Variants in DYSF observed in about 807,000 individuals in gnomAD.
DYSF encodes the protein dystrophy-associated fer-1-like 1.
Under a neutral mutation model 274.9 loss-of-function variants are expected in DYSF, and 212 were observed. That is an observed-to-expected ratio of 0.77 (90% CI 0.69 to 0.86). The LOEUF is 0.86. DYSF is among the 40% of genes least tolerant of loss of function. The pLI, the probability that DYSF is intolerant of heterozygous loss-of-function variation, is 0.00. For missense variants in DYSF, 2,666 were observed against 2,783.2 expected (o/e 0.96, Z 0.95); for synonymous variants, 1,091 against 1,078.7 (o/e 1.01, Z -0.22).
intron 1 of DYSF, among the ~76,000 whole-genome samples, chr2:71,480,073 T>A (rs1262405886): frequency 6.6e-6 from 1 of 152,166 alleles, no homozygotes; most frequent in Non-Finnish European, 1.5e-5. Flanking sequence ...CGTCCCCATT[T>A]CTATTTTCCC....
intron 40 of DYSF, among the ~76,000 whole-genome samples, chr2:71,618,627 G>C (rs1194292330): frequency 9.5e-6 from 1 of 105,370 alleles, no homozygotes. Context: ...GAGGTGGTGT[G>C]TGTGTTACAG....
intron 21 of DYSF, among the ~76,000 whole-genome samples, chr2:71,554,696 A>T (rs944830748): frequency 6.6e-6 from 1 of 152,182 alleles, no homozygotes; most frequent in African/African-American, 2.4e-5. Context: ...GAGGAACTCA[A>T]GTGGCTGGGG....
In DYSF at chr2:71,611,446, C is replaced by A; in HGVS notation, c.4060-19C>A. The A allele has an allele frequency of 6.2e-7, 1 of 1,614,146 alleles. No homozygotes were observed. The highest frequency in any genetic ancestry group is 2.2e-5 in the East Asian group (1 of 44,856). On this transcript the variant is annotated intron_variant, in intron 37 of 55. Transcript: ENST00000410020. ...GGCCCGGGGCCTTCTGAGCCACTCT[C>A]CTCATTCTGTGTGCTTAGATCCTGG...
intron 30 of DYSF, among the ~76,000 whole-genome samples, chr2:71,587,200 A>G (rs747588224): frequency 6.6e-6 from 1 of 152,174 alleles, no homozygotes; most frequent in Non-Finnish European, 1.5e-5. Flanking sequence ...TGCTCCCTCC[A>G]GTGGGTTGCC....
chr2:71,590,235 G>A lies in DYSF; in HGVS notation c.3521G>A (p.Cys1174Tyr). 6.2e-7 allele frequency: 1 copy of A among 1,614,168 alleles called. No individual in the cohort carries two copies. Among genetic ancestry groups the A allele is most frequent in the South Asian group, 1.1e-5 (1 of 91,086 alleles). The change falls in exon 32 of 56, where the codon TGC becomes TAC. Residue 1174 changes from cysteine (C) to tyrosine (Y), a missense_variant. Around this residue, in one of 3 missense-constraint regions of DYSF, gnomAD observed 1,460 missense variants for 1,502.1 expected, o/e 0.97. Coordinates refer to ENST00000410020, the MANE Select transcript of DYSF (RefSeq NM_001130987.2). ...FDYGNRYHLR[C>Y]YMYQARDLAA... ...GATGGGAACCGCTACCATCTACGCT[G>A]CTACATGTACCAGGCCCGGGACCTG...
intron 29 of DYSF, 32 bp from the exon 30 acceptor site, chr2:71,574,166 C>T (rs750332726): frequency 1.8e-5 from 29 of 1,609,652 alleles, no homozygotes; most frequent in Admixed American, 5.0e-5. Context: ...GCCTTCCCAC[C>T]GGCCTCTGAG....
At chr2:71,613,976 C>T (rs534873110) in intron 40 of DYSF, among the ~76,000 whole-genome samples, 1 of 152,314 alleles carries the variant, frequency 6.6e-6, no homozygotes, top group African/African-American at 2.4e-5. Flanking sequence ...GGTCTCCAGC[C>T]CTGGGGGAGG....
rs766004498 is a variant in DYSF, at chr2:71,482,009, T to C, written c.239+39T>C. 1.4e-5 allele frequency: 22 copies of C among 1,549,966 alleles called. No homozygotes were observed. In the East Asian group the frequency reaches 4.3e-4, roughly 30 times the overall value. ...AGGGGGGTGCTCCATGGCTTGAAGG[T>C]GCAGGTAGGATTGTGGAGTATACAG... On this transcript the variant is annotated intron_variant, in intron 3 of 55. Coordinates refer to ENST00000410020, the MANE Select transcript of DYSF (RefSeq NM_001130987.2).
At position 71,565,054 on chromosome 2, in the gene DYSF, G is replaced by A. The variant is rs73942329; in HGVS notation, c.2565+841G>A. Reference sequence around the variant, plus strand: ...AGCAAGGCTGCCCCTGCTTGGGGAGGAGTGGCCCTGAGAAGCAGGCCTGCT... The same window carrying A: ...AGCAAGGCTGCCCCTGCTTGGGGAGAAGTGGCCCTGAGAAGCAGGCCTGCT... On this transcript the variant is annotated intron_variant, in intron 24 of 55. Coordinates refer to ENST00000410020, the MANE Select transcript of DYSF (RefSeq NM_001130987.2). Among the ~76,000 whole-genome samples, 1,032 of 152,034 alleles carry A rather than the reference G, an allele frequency of 6.8e-3. 15 individuals carry two copies. Among genetic ancestry groups the A allele is most frequent in the African/African-American group, 0.024 (979 of 41,478 alleles).
rs766902299 is a variant in DYSF at position 71,503,368 on chromosome 2, G to A, written c.345+49G>A. ...AGGTTAAGGTCCAAGGCATTGCCAGGTGGCTTCCTCTTTGGGCCTTGCCAT... is the reference window on the plus strand; with the variant it reads ...AGGTTAAGGTCCAAGGCATTGCCAGATGGCTTCCTCTTTGGGCCTTGCCAT... On this transcript the variant is annotated intron_variant, in intron 4 of 55. Transcript: ENST00000410020. The A allele has an allele frequency of 1.7e-5, 27 of 1,594,646 alleles. No individual in the cohort carries two copies. The African/African-American group carries it at 2.7e-4, about 16-fold the overall frequency.
chr2:71,657,418 T>C (rs2094794817), intron 43 of DYSF, among the ~76,000 whole-genome samples: 1 of 152,080 alleles, frequency 6.6e-6, no homozygotes, highest in Non-Finnish European at 1.5e-5. Context: ...TGTTGGTGGA[T>C]TTACCATTCT....
At chr2:71,516,484 C>A (rs2086671504) in intron 9 of DYSF, among the ~76,000 whole-genome samples, 2 of 152,226 alleles carry the variant, frequency 1.3e-5, no homozygotes, top group Non-Finnish European at 2.9e-5. Context: ...GAAATGCCTG[C>A]AACAGCTCAG....
chr2:71,458,793 A>G (rs2081170165), intron 1 of DYSF, among the ~76,000 whole-genome samples: 1 of 152,116 alleles, frequency 6.6e-6, no homozygotes, highest in Admixed American at 6.5e-5. Flanking sequence ...GTTTTGTTTA[A>G]TCCTCCCAAC....
At chr2:71,650,794 A>G (rs960284739) in intron 42 of DYSF, among the ~76,000 whole-genome samples, 12 of 152,212 alleles carry the variant, frequency 7.9e-5, no homozygotes, top group Admixed American at 2.0e-4. Flanking sequence ...GTGAAGGAGA[A>G]AATACTAACA....
intron 42 of DYSF, among the ~76,000 whole-genome samples, chr2:71,647,670 T>C (rs767626393): frequency 6.6e-6 from 1 of 152,184 alleles, no homozygotes; most frequent in Non-Finnish European, 1.5e-5. Flanking sequence ...ACATGCAGAA[T>C]GTTGAAAGAT....
Position 71,582,756 on chromosome 2 carries a change from A to G in DYSF, c.3403-6837A>G, listed in dbSNP as rs146707557. Among the ~76,000 whole-genome samples, 240 of 152,298 alleles carry G rather than the reference A, an allele frequency of 1.6e-3. 1 individual carries two copies. The highest frequency in any genetic ancestry group is 5.0e-3 in the African/African-American group (206 of 41,556). ...CTGCCATGACCAATTTCAAGCTAGCAATGTGGCACCACTGAACACAGAGCT... is the reference window on the plus strand; with the variant it reads ...CTGCCATGACCAATTTCAAGCTAGCGATGTGGCACCACTGAACACAGAGCT... On this transcript the variant is annotated intron_variant, in intron 30 of 55. Coordinates refer to ENST00000410020, the MANE Select transcript of DYSF (RefSeq NM_001130987.2).
At chr2:71,652,757 A>G (rs1347638056) in intron 42 of DYSF, among the ~76,000 whole-genome samples, 1 of 152,256 alleles carries the variant, frequency 6.6e-6, no homozygotes, top group Non-Finnish European at 1.5e-5. Context: ...TTATGAAGCC[A>G]CAGTGATTAA....
Position 71,656,238 on chromosome 2 carries a change from G to T in DYSF, c.4703G>T (p.Arg1568Leu). ...SDFCNTFKLY[R>L]GKTQEETEDP... ...TTTTGTAACACCTTCAAGCTGTACC[G>T]GGGCAAGACGCAGGAGGAGACAGAA... Residue 1568 changes from arginine (R) to leucine (L), a missense_variant, in exon 43 of 56, where the codon CGG becomes CTG. Physicochemically the swap from Arg to Leu is moderately radical, Grantham distance 102. Around this residue, in one of 3 missense-constraint regions of DYSF, gnomAD observed 1,460 missense variants for 1,502.1 expected, o/e 0.97. Transcript: ENST00000410020. 6.2e-7 allele frequency: 1 copy of T among 1,614,174 alleles called. No individual in the cohort carries two copies. The highest frequency in any genetic ancestry group is 1.1e-5 in the South Asian group (1 of 91,084).
chr2:71,543,145 G>A (rs189180698), intron 17 of DYSF, among the ~76,000 whole-genome samples: 18,451 of 150,338 alleles, frequency 0.12, 1,258 homozygotes, highest in African/African-American at 0.18. Context: ...CTTCCCAGAC[G>A]GGGTGGCTGC....
Sources: allele counts gnomAD v4.1 joint callset (sites outside exome capture counted in the v4.1 genomes callset), GRCh38; gene constraint gnomAD v4.1.1; regional missense constraint gnomAD v4.1.1; transcripts MANE v1.5; gene names NCBI Gene and HGNC (gene_info 2026-07-23, HGNC 2026-07-21).